The following HTT variants were observed in gnomAD, a reference collection of about 807,000 sequenced individuals.
HTT encodes the protein huntington disease protein.
A neutral mutation model predicts 362.3 loss-of-function variants in HTT; 104 were observed. The observed-to-expected ratio is 0.29, with a 90% CI of 0.24 to 0.34. The LOEUF is 0.34. Ranked by LOEUF, HTT falls within the 10% of genes least tolerant of loss-of-function variation. HTT has a pLI of 1.00. For missense variants in HTT, 3,301 were observed against 3,928.6 expected, an observed-to-expected ratio of 0.84 and a Z score of 4.27; for synonymous variants, 1,577 against 1,548.7, an observed-to-expected ratio of 1.02 and a Z score of -0.43.
intron 66 of HTT, among the ~76,000 whole-genome samples, chr4:3,239,296 C>G (rs761811671): frequency 6.6e-6 from 1 of 152,198 alleles, no homozygotes; most frequent in Non-Finnish European, 1.5e-5. Context: ...CTCGCGGGCT[C>G]TGTGTGGCTG....
In HTT at chr4:3,199,919, A is replaced by C. The variant is rs1336577756; in HGVS notation, c.5556A>C (p.Ala1852=). ...LVNHTDYRWW[A]EVQQTPKRHS... ...ACCACACCGACTACCGCTGGTGGGC[A>C]GAAGTGCAGCAGACCCCGAAGTAGG... Residue 1852 remains alanine (A), a synonymous_variant, in exon 41 of 67, where the codon GCA becomes GCC. Transcript: ENST00000355072. The C allele has an allele frequency of 6.2e-7, 1 of 1,613,938 alleles. No individual in the cohort carries two copies. Among genetic ancestry groups the C allele is most frequent in the Non-Finnish European group, 8.5e-7 (1 of 1,179,884 alleles).
chr4:3,160,357 A>C lies in HTT; in HGVS notation c.3829A>C (p.Ile1277Leu). The C allele has an allele frequency of 6.4e-7, 1 of 1,555,290 alleles. No individual in the cohort carries two copies. Residue 1277 changes from isoleucine (I) to leucine (L), a missense_variant, in exon 29 of 67, where the codon ATA becomes CTA. Transcript: ENST00000355072. ...CTCAGCCTTGGATGTTCTTTCTCAGATACTAGAGCTGGCCACACTGCAGGA... is the reference window on the plus strand; with the variant it reads ...CTCAGCCTTGGATGTTCTTTCTCAGCTACTAGAGCTGGCCACACTGCAGGA... Reference protein sequence around the residue: ...LRSALDVLSQILELATLQDIG... With the variant: ...LRSALDVLSQLLELATLQDIG...
intron 51 of HTT, among the ~76,000 whole-genome samples, chr4:3,216,293 C>T (rs1720395784): frequency 6.6e-6 from 1 of 152,220 alleles, no homozygotes; most frequent in African/African-American, 2.4e-5. Context: ...GTGGGTCCTT[C>T]AGGCTTCAGT....
rs940183426 is a variant in HTT, at chr4:3,242,737, G to C, written c.*2678G>C. Reference sequence around the variant, plus strand: ...TTAATTTGGTTGTCAAGTTTTGGGGGTGGGCTGTGGGGAGATTGCTTTTGT... The same window carrying C: ...TTAATTTGGTTGTCAAGTTTTGGGGCTGGGCTGTGGGGAGATTGCTTTTGT... On this transcript the variant is annotated 3_prime_UTR_variant, in exon 67 of 67. Transcript: ENST00000355072. The C allele has an allele frequency of 1.3e-5, 2 of 152,214 alleles. No homozygotes were observed. Among genetic ancestry groups the C allele is most frequent in the Admixed American group, 6.5e-5 (1 of 15,276 alleles). The allele number at this position is 152,214 out of a possible 1,614,324, so 9.4% of individuals were successfully genotyped here.
rs1440300132 is a variant in HTT at position 3,206,184 on chromosome 4, T to C, written c.5719-312T>C. Among the ~76,000 whole-genome samples the C allele has an allele frequency of 6.6e-6, 1 of 152,244 alleles. No individual in the cohort carries two copies. Among genetic ancestry groups the C allele is most frequent in the Non-Finnish European group, 1.5e-5 (1 of 68,042 alleles). On this transcript the variant is annotated intron_variant, in intron 42 of 66. Coordinates refer to ENST00000355072, the MANE Select transcript of HTT (RefSeq NM_001388492.1). The surrounding 1 kb of genome is among the most constrained non-coding windows in gnomAD (Gnocchi z 4.6). ...TGCCCCTGCTACCTGCGGATCTCGC[T>C]GAGGCCTGCCTTTGTCCTTTGACCC...
intron 1 of HTT, among the ~76,000 whole-genome samples, chr4:3,079,289 C>T (rs1361023833): frequency 1.5e-5 from 2 of 134,048 alleles, no homozygotes; most frequent in Non-Finnish European, 3.1e-5. Context: ...CAAGGTCTTG[C>T]TCTTTAACCC....
intron 12 of HTT, 179 bp from the exon 13 acceptor site, chr4:3,129,745 T>C: frequency 1.7e-6 from 1 of 595,848 alleles, no homozygotes; most frequent in South Asian, 2.3e-5. Context: ...GAATGAGTGA[T>C]CAGTAAGCTC....
chr4:3,175,282 C>T (rs943611433), intron 33 of HTT, among the ~76,000 whole-genome samples, 175 bp downstream of exon 33: 2 of 152,178 alleles, frequency 1.3e-5, no homozygotes, highest in African/African-American at 4.8e-5. Context: ...GCATAGCCAG[C>T]CTCAGCAAGT....
chr4:3,220,581 C>T (rs1052739204), intron 53 of HTT, among the ~76,000 whole-genome samples: 2 of 152,266 alleles, frequency 1.3e-5, no homozygotes, highest in South Asian at 2.1e-4. Flanking sequence ...TAGTGGACAA[C>T]GTGAGACCAA....
In HTT at chr4:3,235,413, G is replaced by A. The variant is rs1441975220; in HGVS notation, c.8571+15G>A. The A allele has an allele frequency of 1.3e-6, 2 of 1,554,948 alleles. No individual in the cohort carries two copies. The highest frequency in any genetic ancestry group is 8.9e-7 in the Non-Finnish European group (1 of 1,126,204). ...CAATAATACAGGTGAGTGGGCCCTG[G>A]CTGTCTTCCTCTGCACACGGGGAGT... On this transcript the variant is annotated intron_variant, in intron 62 of 66. Transcript: ENST00000355072.
chr4:3,150,929 C>G (rs1028405145), intron 26 of HTT, among the ~76,000 whole-genome samples: 2 of 152,150 alleles, frequency 1.3e-5, no homozygotes, highest in Non-Finnish European at 2.9e-5. Flanking sequence ...GTCCCAGCTA[C>G]CTGGGAGGCT....
At chr4:3,207,703 T>C (rs1295461954) in intron 45 of HTT, among the ~76,000 whole-genome samples, 1 of 152,246 alleles carries the variant, frequency 6.6e-6, no homozygotes, top group African/African-American at 2.4e-5. Context: ...GCATGTCATC[T>C]AATTGCTAAA....
chr4:3,083,723 G>A (rs748199487), intron 1 of HTT, among the ~76,000 whole-genome samples: 10 of 152,092 alleles, frequency 6.6e-5, no homozygotes, highest in Non-Finnish European at 1.2e-4. Context: ...AAACAGTTTG[G>A]CAGTTTGTCA....
chr4:3,150,371 C>T (rs558668848), intron 26 of HTT, among the ~76,000 whole-genome samples: 1 of 152,148 alleles, frequency 6.6e-6, no homozygotes, highest in African/African-American at 2.4e-5. Context: ...GCAGGGCAGC[C>T]TGAGAGTCGG....
chr4:3,234,125 A>G (rs1721401646), intron 61 of HTT, among the ~76,000 whole-genome samples: 2 of 152,258 alleles, frequency 1.3e-5, no homozygotes, highest in Non-Finnish European at 2.9e-5. Flanking sequence ...AACGGGGGCT[A>G]GGTCAAAGTT....
At position 3,206,659 on chromosome 4, in the gene HTT, G is replaced by A; in HGVS notation, c.5882G>A (p.Cys1961Tyr). The stretch of plus-strand genomic sequence containing the variant: ...TTCATCCAGGCAATTCAGTCTCGTT[G>A]TGAAAACCTTTCAACTGTACGTCTT... ...GLFIQAIQSR[C>Y]ENLSTPTMLK... The change falls in exon 43 of 67, where the codon TGT becomes TAT. Residue 1961 changes from cysteine (C) to tyrosine (Y), a missense_variant. Physicochemically the swap from Cys to Tyr is radical, Grantham distance 194 (BLOSUM62 -2). Around this residue, in one of 4 missense-constraint regions of HTT, gnomAD observed 2,316 missense variants for 2,658.5 expected, o/e 0.87. Transcript: ENST00000355072. This position sits in a 1 kb window ranked among gnomAD's most constrained non-coding sequence, Gnocchi z 4.6. 6.2e-7 allele frequency: 1 copy of A among 1,614,164 alleles called. No homozygotes were observed. Among genetic ancestry groups the A allele is most frequent in the Non-Finnish European group, 8.5e-7 (1 of 1,180,030 alleles).
chr4:3,115,168 C>T, intron 6 of HTT, 136 bp from the exon 7 acceptor site: 1 of 861,550 alleles, frequency 1.2e-6, no homozygotes, highest in South Asian at 1.8e-5. Flanking sequence ...TACTTCAGTT[C>T]AGCTGTAGGA....
intron 24 of HTT, among the ~76,000 whole-genome samples, chr4:3,146,513 A>C (rs951897046): frequency 6.6e-6 from 1 of 152,228 alleles, no homozygotes; most frequent in Non-Finnish European, 1.5e-5. Flanking sequence ...TCTCATCTCC[A>C]GTTCAGCAGA....
chr4:3,175,132 A>G, intron 33 of HTT, 25 bp downstream of exon 33: 2 of 1,594,082 alleles, frequency 1.3e-6, no homozygotes, highest in Non-Finnish European at 1.7e-6. Context: ...TCTTTCATCC[A>G]TCATACCTGT....
Sources: allele counts gnomAD v4.1 joint callset (sites outside exome capture counted in the v4.1 genomes callset), GRCh38; gene constraint gnomAD v4.1.1; regional missense constraint gnomAD v4.1.1; non-coding constraint Gnocchi (gnomAD v3.1); transcripts MANE v1.5; gene names NCBI Gene and HGNC (gene_info 2026-07-23, HGNC 2026-07-21).